Variants in PRORP observed in about 807,000 individuals in gnomAD.
PRORP encodes protein only RNase P catalytic subunit, also known as mitochondrial ribonuclease P catalytic subunit.
PRORP carries 51 observed loss-of-function variants against 59.4 expected under a neutral mutation model. That is an observed-to-expected ratio of 0.86 (90% confidence interval 0.69 to 1.08). The LOEUF (loss-of-function observed/expected upper bound fraction) is 1.08. PRORP is among the 50% of genes least tolerant of loss of function. The pLI, the probability that PRORP is intolerant of heterozygous loss-of-function variation, is 0.00. For missense variants in PRORP, 646 were observed against 690.3 expected, an observed-to-expected ratio of 0.94 and a Z score of 0.72; for synonymous variants, 231 against 245.6, an observed-to-expected ratio of 0.94 and a Z score of 0.55.
Position 35,274,895 on chromosome 14 carries a change from T to C in PRORP, c.*1329T>C, listed in dbSNP as rs553156151. On this transcript the variant is annotated 3_prime_UTR_variant, in exon 8 of 8. Coordinates refer to ENST00000534898, the MANE Select transcript of PRORP (RefSeq NM_014672.4). ...TTTTAATAGTTACATTTCTGTTTTT[T>C]CCACTCACTAGCCAGCTTACAGTTT... 11 of 152,352 alleles carry C rather than the reference T, an allele frequency of 7.2e-5. No homozygotes were observed. Among genetic ancestry groups the C allele is most frequent in the African/African-American group, 2.6e-4 (11 of 41,592 alleles). The allele number at this position is 152,352 out of a possible 1,614,324, so 9.4% of individuals were successfully genotyped here.
At chr14:35,268,721 A>C (rs1192852410) in intron 6 of PRORP, among the ~76,000 whole-genome samples, 1 of 152,012 alleles carries the variant, frequency 6.6e-6, no homozygotes, top group Non-Finnish European at 1.5e-5. Context: ...TCAGCCTCCC[A>C]AGTAGTTGGG....
Position 35,266,769 on chromosome 14 carries a change from C to G in PRORP, c.1318C>G (p.Leu440Val). The G allele has an allele frequency of 6.2e-7, 1 of 1,614,168 alleles. No individual in the cohort carries two copies. The highest frequency in any genetic ancestry group is 8.5e-7 in the Non-Finnish European group (1 of 1,180,022). The change falls in exon 6 of 8, where the codon CTG becomes GTG. Residue 440 changes from leucine to valine, a missense_variant. Physicochemically the swap from Leu to Val is conservative, Grantham distance 32 (BLOSUM62 1). Coordinates refer to ENST00000534898, the MANE Select transcript of PRORP (RefSeq NM_014672.4). Reference protein sequence around the residue: ...VSQLAKRNLRLLVLGRKHMLR... With the variant: ...VSQLAKRNLRVLVLGRKHMLR... ...TCAACTAGCCAAACGGAATCTGCGACTGCTGGTCCTAGGCCGGAAGCACAT... is the reference window on the plus strand; with the variant it reads ...TCAACTAGCCAAACGGAATCTGCGAGTGCTGGTCCTAGGCCGGAAGCACAT...
rs895987178 is a variant in PRORP, at chr14:35,167,175, C to T, written c.1168-13495C>T. Among the ~76,000 whole-genome samples, 5 of 152,144 alleles carry T rather than the reference C, an allele frequency of 3.3e-5. 1 individual carries two copies. The highest frequency in any genetic ancestry group is 7.4e-5 in the Non-Finnish European group (5 of 68,020). The stretch of plus-strand genomic sequence containing the variant: ...AAGATGCTGTATTTGCCTAACTCTC[C>T]TGCCTTGAAGGTTAATTATTTTATT... On this transcript the variant is annotated intron_variant, in intron 4 of 7. Transcript: ENST00000534898.
At chr14:35,236,897 T>TTC (rs776759977) in intron 5 of PRORP, among the ~76,000 whole-genome samples, 4 of 151,514 alleles carry the variant, frequency 2.6e-5, no homozygotes, top group East Asian at 3.9e-4. Flanking sequence ...TCCTAATTAT[T>TTC]TCTCTCTCTC....
chr14:35,180,728 A>T lies in PRORP; in HGVS notation c.1226A>T (p.Asp409Val). ...CGTCCTCCTTTTGATGTTGTCATTG[A>T]TGGTCTCAATGTTGCCAAAATGTTT... ...KSRPPFDVVI[D>V]GLNVAKMFPK... Residue 409 changes from aspartate to valine, a missense_variant, in exon 5 of 8, where the codon GAT (aspartate) becomes GTT (valine). Transcript: ENST00000534898. 1 of 1,613,408 alleles carries T rather than the reference A, an allele frequency of 6.2e-7. No homozygotes were observed. The highest frequency in any genetic ancestry group is 8.5e-7 in the Non-Finnish European group (1 of 1,179,610).
At chr14:35,253,357 GAAAGAAAGAAAGAAAGA>G (rs1391241901) in intron 5 of PRORP, among the ~76,000 whole-genome samples, 3 of 131,036 alleles carry the variant, frequency 2.3e-5, no homozygotes, top group East Asian at 2.1e-4. Flanking sequence ...GAGAGAGAGA[GAAAGAAAGAAAGAAAGA>G]AAAGAAAGAA....
At position 35,262,839 on chromosome 14, in the gene PRORP, A is replaced by G. The variant is rs2050939449; in HGVS notation, c.1276-3888A>G. ...TGAAAAATACATCCTCAGGGTTCGGATGAGAACAGGTGTTGCTTGTTCAGT... is the reference window on the plus strand; with the variant it reads ...TGAAAAATACATCCTCAGGGTTCGGGTGAGAACAGGTGTTGCTTGTTCAGT... On this transcript the variant is annotated intron_variant, in intron 5 of 7. Transcript: ENST00000534898. The G allele has an allele frequency of 3.3e-6, 5 of 1,497,970 alleles. No individual in the cohort carries two copies. In the East Asian group the frequency reaches 1.1e-4, roughly 34 times the overall value. The allele number at this position is 1,497,970 out of a possible 1,614,324, so 92.8% of individuals were successfully genotyped here. A position where few individuals can be genotyped will look rare whatever the true frequency, so the allele number is the denominator to read the frequency against.
At chr14:35,224,040 C>G (rs527303882) in intron 5 of PRORP, among the ~76,000 whole-genome samples, 1 of 152,212 alleles carries the variant, frequency 6.6e-6, no homozygotes, top group South Asian at 2.1e-4. Context: ...CTTTCTTTCT[C>G]TCTCATTTCC....
intron 5 of PRORP, among the ~76,000 whole-genome samples, chr14:35,194,689 A>AT (rs894522632): frequency 3.0e-4 from 46 of 152,016 alleles, no homozygotes; most frequent in African/African-American, 9.4e-4. Context: ...TAATTAATTA[A>AT]TTTTTTTTTA....
intron 5 of PRORP, among the ~76,000 whole-genome samples, chr14:35,216,691 T>C (rs4981274): frequency 0.71 from 108,155 of 152,074 alleles, 39,003 homozygotes; most frequent in Admixed American, 0.79. Context: ...CATATAGTAA[T>C]TCTTCTATTA....
At chr14:35,219,528 GTGGCCACTCAAAAAGCATACCT>G (rs1046512665) in intron 5 of PRORP, among the ~76,000 whole-genome samples, 2 of 152,164 alleles carry the variant, frequency 1.3e-5, no homozygotes, top group African/African-American at 4.8e-5. Flanking sequence ...AAAGTATTTG[GTGGCCACTCAAAAAGCATACCT>G]TGCCCCTTAC....
chr14:35,262,830 A>G, intron 5 of PRORP: 2 of 1,471,524 alleles, frequency 1.4e-6, no homozygotes, highest in Non-Finnish European at 1.9e-6. Context: ...ATACATCCTC[A>G]GGGTTCGGAT....
intron 5 of PRORP, among the ~76,000 whole-genome samples, chr14:35,241,104 G>T (rs982653803): frequency 6.6e-6 from 1 of 152,146 alleles, no homozygotes; most frequent in Admixed American, 6.6e-5. Context: ...AAGGCTAGGC[G>T]CAGTGGCTCA....
chr14:35,185,940 AC>A (rs2048729194), intron 5 of PRORP, among the ~76,000 whole-genome samples: 1 of 152,178 alleles, frequency 6.6e-6, no homozygotes, highest in Non-Finnish European at 1.5e-5. Context: ...GAAATAGTAT[AC>A]TTTTTTGTTT....
chr14:35,151,126 T>C (rs528510860), intron 4 of PRORP, among the ~76,000 whole-genome samples: 1 of 152,318 alleles, frequency 6.6e-6, no homozygotes, highest in South Asian at 2.1e-4. Flanking sequence ...AGTGAATTTT[T>C]AGAAACAGTA....
At chr14:35,193,986 A>AT (rs907284394) in intron 5 of PRORP, among the ~76,000 whole-genome samples, 9 of 151,596 alleles carry the variant, frequency 5.9e-5, no homozygotes, top group South Asian at 2.1e-4. Context: ...TGTTTGAGGA[A>AT]TTTTTTTTTC....
chr14:35,212,981 A>G (rs991110312), intron 5 of PRORP, among the ~76,000 whole-genome samples: 10 of 152,326 alleles, frequency 6.6e-5, no homozygotes, highest in Admixed American at 1.3e-4. Context: ...CTTCTCCATC[A>G]GCACTTGCTA....
intron 5 of PRORP, among the ~76,000 whole-genome samples, chr14:35,217,218 AG>A (rs1417658228): frequency 1.3e-5 from 2 of 152,038 alleles, no homozygotes; most frequent in Non-Finnish European, 2.9e-5. Context: ...ACCATTGTCT[AG>A]GGTGGGCGCA....
intron 4 of PRORP, among the ~76,000 whole-genome samples, chr14:35,145,058 C>T (rs2047572152): frequency 6.9e-6 from 1 of 145,280 alleles, no homozygotes; most frequent in Admixed American, 7.2e-5. Context: ...GCAGCCTCAA[C>T]CTCCCAGGCT....
Sources: gnomAD v4.1 joint callset for allele counts (sites outside exome capture counted in the v4.1 genomes callset) on GRCh38, gnomAD v4.1.1 for gene constraint, MANE v1.5 for transcripts, NCBI Gene and HGNC (gene_info 2026-07-23, HGNC 2026-07-21) for gene names.